Variants in SLC39A11 observed in about 807,000 individuals in gnomAD.
The protein encoded by SLC39A11 is solute carrier family 39 member 11, also known as zinc transporter ZIP11.
SLC39A11 carries 33 observed loss-of-function variants against 36.1 expected under a neutral mutation model. The observed-to-expected ratio is 0.91, with a 90% CI of 0.69 to 1.22. The LOEUF is 1.22. SLC39A11 is among the 50% of genes most tolerant of loss of function. The probability of loss-of-function intolerance (pLI) is 0.00; values close to 1 mark genes in which losing one functional copy is unlikely to be tolerated. For missense variants in SLC39A11, 432 were observed against 430.3 expected (o/e 1.00, Z -0.03); for synonymous variants, 166 against 170.3 (o/e 0.97, Z 0.20).
intron 6 of SLC39A11, among the ~76,000 whole-genome samples, chr17:72,754,915 A>C (rs2075312863): frequency 6.6e-6 from 1 of 152,254 alleles, no homozygotes; most frequent in South Asian, 2.1e-4. Context: ...GCATAGAAAG[A>C]GACTTGGAGA....
At chr17:72,750,799 A>AT (rs544806660) in intron 6 of SLC39A11, among the ~76,000 whole-genome samples, 1 of 150,148 alleles carries the variant, frequency 6.7e-6, no homozygotes, top group East Asian at 1.9e-4. Flanking sequence ...AAAAAAAAAA[A>AT]CTGCCTTCCT....
chr17:72,720,279 G>A (rs939918380), intron 7 of SLC39A11, among the ~76,000 whole-genome samples: 4 of 152,166 alleles, frequency 2.6e-5, no homozygotes, highest in Admixed American at 6.5e-5. Flanking sequence ...GGAGGGCCTC[G>A]GGGGAAAGAG....
intron 7 of SLC39A11, among the ~76,000 whole-genome samples, chr17:72,701,813 T>C (rs188828006): frequency 3.7e-4 from 15 of 40,570 alleles, no homozygotes; most frequent in African/African-American, 9.0e-4. Flanking sequence ...AAAAAGAACA[T>C]AGACACGCAG....
chr17:72,838,157 T>C (rs986453784), intron 6 of SLC39A11: 1 of 404,862 alleles, frequency 2.5e-6, no homozygotes, highest in Non-Finnish European at 4.3e-6. Context: ...ATTAAAAAGA[T>C]AGTGATGGTG....
At chr17:72,707,791 T>C (rs1457132441) in intron 7 of SLC39A11, among the ~76,000 whole-genome samples, 1 of 152,176 alleles carries the variant, frequency 6.6e-6, no homozygotes, top group Non-Finnish European at 1.5e-5. Context: ...GGAATAATAA[T>C]TGCCAAGCAA....
rs147011096 is a variant in SLC39A11 at position 72,692,041 on chromosome 17, C to T, written c.672-42773G>A. On this transcript the variant is annotated intron_variant, in intron 7 of 9. Coordinates refer to ENST00000255559, the MANE Select transcript of SLC39A11 (RefSeq NM_139177.4). ...TTTTTTTTTTTTTGAGGCGGAGTCT[C>T]GCTCTGTCACTCAGGCTGGAGTGCA... Among the ~76,000 whole-genome samples, 393 of 149,150 alleles carry T rather than the reference C, an allele frequency of 2.6e-3. 4 individuals are homozygous for T. The highest frequency in any genetic ancestry group is 0.016 in the East Asian group (83 of 5,086).
intron 6 of SLC39A11, among the ~76,000 whole-genome samples, chr17:72,789,137 C>T (rs949085716): frequency 4.0e-5 from 6 of 151,780 alleles, no homozygotes; most frequent in Admixed American, 6.6e-5. Flanking sequence ...CGGGTCCAAG[C>T]GATTCTCCTG....
chr17:72,959,594 A>G (rs1053723809), intron 4 of SLC39A11, among the ~76,000 whole-genome samples: 2 of 151,880 alleles, frequency 1.3e-5, no homozygotes, highest in Non-Finnish European at 2.9e-5. Context: ...GAGGAGGGAT[A>G]AAAGACTACA....
At chr17:72,933,261 A>G (rs776600735) in intron 5 of SLC39A11, among the ~76,000 whole-genome samples, 21 of 152,220 alleles carry the variant, frequency 1.4e-4, no homozygotes, top group Non-Finnish European at 1.9e-4. Flanking sequence ...TACAAAGTCA[A>G]TTATATTTCT....
At chr17:73,042,384 C>A (rs2059138633) in intron 3 of SLC39A11, among the ~76,000 whole-genome samples, 1 of 152,174 alleles carries the variant, frequency 6.6e-6, no homozygotes, top group South Asian at 2.1e-4. Context: ...AACTCAGTGC[C>A]TACTATGGAG....
At chr17:72,761,877 T>G (rs1330064349) in intron 6 of SLC39A11, among the ~76,000 whole-genome samples, 1 of 152,210 alleles carries the variant, frequency 6.6e-6, no homozygotes, top group Non-Finnish European at 1.5e-5. Context: ...TGCAGGGTCA[T>G]GCTATTCCCA....
intron 6 of SLC39A11, among the ~76,000 whole-genome samples, chr17:72,739,692 A>C (rs1462140844): frequency 6.6e-6 from 1 of 152,174 alleles, no homozygotes; most frequent in African/African-American, 2.4e-5. Context: ...AGAAGGCTCC[A>C]AAACCCTCCC....
At chr17:72,832,570 G>C (rs529077979) in intron 6 of SLC39A11, among the ~76,000 whole-genome samples, 74 of 152,162 alleles carry the variant, frequency 4.9e-4, no homozygotes, top group Middle Eastern at 3.2e-3. Flanking sequence ...ACAAACAACA[G>C]AGCAAGGAAT....
At chr17:73,069,425 G>T (rs990143227) in intron 3 of SLC39A11, among the ~76,000 whole-genome samples, 1 of 152,136 alleles carries the variant, frequency 6.6e-6, no homozygotes, top group Non-Finnish European at 1.5e-5. Context: ...AATGGTTGAG[G>T]GCTTGGCCTG....
chr17:72,783,175 C>T (rs988334862), intron 6 of SLC39A11, among the ~76,000 whole-genome samples: 1 of 151,478 alleles, frequency 6.6e-6, no homozygotes, highest in African/African-American at 2.4e-5. Flanking sequence ...ATGATTCTCA[C>T]CAGAAAGCAG....
At chr17:72,966,726 C>T (rs578076128) in intron 4 of SLC39A11, among the ~76,000 whole-genome samples, 11 of 152,258 alleles carry the variant, frequency 7.2e-5, no homozygotes, top group African/African-American at 2.4e-4. Flanking sequence ...CCCGCCACCA[C>T]GCCCAGCTAA....
At chr17:73,067,692 T>C (rs9674770) in intron 3 of SLC39A11, among the ~76,000 whole-genome samples, 3,720 of 152,258 alleles carry the variant, frequency 0.024, 144 homozygotes, top group African/African-American at 0.083. Flanking sequence ...TTAATACAAA[T>C]CACATTTTTT....
chr17:72,775,196 G>A (rs913857462), intron 6 of SLC39A11, among the ~76,000 whole-genome samples: 1 of 152,054 alleles, frequency 6.6e-6, no homozygotes, highest in African/African-American at 2.4e-5. Context: ...CTCTATAACA[G>A]CGTCTGTGGT....
At chr17:73,052,751 G>A (rs2059549038) in intron 3 of SLC39A11, among the ~76,000 whole-genome samples, 1 of 152,190 alleles carries the variant, frequency 6.6e-6, no homozygotes, top group African/African-American at 2.4e-5. Flanking sequence ...CCAAGCTGCA[G>A]TCACAGTGGC....
Sources: allele counts gnomAD v4.1 joint callset (sites outside exome capture counted in the v4.1 genomes callset), GRCh38; gene constraint gnomAD v4.1.1; transcripts MANE v1.5; gene names NCBI Gene and HGNC (gene_info 2026-07-23, HGNC 2026-07-21).